The following SLC6A16 variants were observed in gnomAD, a reference collection of about 807,000 sequenced individuals.
The protein encoded by SLC6A16 is orphan sodium- and chloride-dependent neurotransmitter transporter NTT5.
SLC6A16 carries 54 observed loss-of-function variants against 65.4 expected under a neutral mutation model. The observed-to-expected ratio is 0.83, with a 90% CI of 0.66 to 1.04. SLC6A16 has a LOEUF of 1.04. SLC6A16 is among the 50% of genes least tolerant of loss of function. The probability of loss-of-function intolerance (pLI) is 0.00; values close to 1 mark genes in which losing one functional copy is unlikely to be tolerated. For missense variants in SLC6A16, 816 were observed against 914.0 expected, an observed-to-expected ratio of 0.89 and a Z score of 1.38; for synonymous variants, 330 against 346.5, an observed-to-expected ratio of 0.95 and a Z score of 0.53.
chr19:49,335,415 G>T, the SLC6A16 span: 1 of 749,872 alleles, frequency 1.3e-6, no homozygotes. The surrounding 1 kb of genome is among the most constrained non-coding windows in gnomAD (Gnocchi z 4.6). Flanking sequence ...CCTCTTTTGG[G>T]GTTCTTCCTT....
At chr19:49,325,361 C>G, upstream of SLC6A16, 1 of 490,398 alleles carries the variant, frequency 2.0e-6, no homozygotes, top group Non-Finnish European at 2.7e-6. Context: ...ACGCGCCACT[C>G]CCTTCCCCAC....
At chr19:49,323,321 A>G (rs1183216994) in intron 1 of SLC6A16, among the ~76,000 whole-genome samples, 2 of 152,188 alleles carry the variant, frequency 1.3e-5, no homozygotes, top group African/African-American at 4.8e-5. Context: ...ATTCTTGGAT[A>G]TGATACCAAA....
Position 49,294,460 on chromosome 19 carries a change from G to A in SLC6A16, c.1323C>T (p.Ile441=), listed in dbSNP as rs1334992289. 6.2e-7 allele frequency: 1 copy of A among 1,614,144 alleles called. No homozygotes were observed. The highest frequency in any genetic ancestry group is 1.1e-5 in the South Asian group (1 of 91,072). ...PVNLLYNPTS[I]YNAWLSGLPQ... ...GAAGGCCACTGAGCCAGGCATTGTA[G>A]ATGGAGGTTGGGTTGTAAAGCAGGT... The change falls in exon 8 of 12, where the codon ATC becomes ATT. Residue 441 remains isoleucine, a synonymous_variant. Coordinates refer to ENST00000335875, the MANE Select transcript of SLC6A16 (RefSeq NM_014037.3).
At chr19:49,305,252 C>T (rs1174138828) in intron 7 of SLC6A16, among the ~76,000 whole-genome samples, 1 of 152,156 alleles carries the variant, frequency 6.6e-6, no homozygotes, top group Non-Finnish European at 1.5e-5. Flanking sequence ...TGCTGGCCAG[C>T]CAACTGACTA....
At chr19:49,337,814 G>C in the SLC6A16 span, 2 of 1,569,462 alleles carry the variant, frequency 1.3e-6, no homozygotes, top group Non-Finnish European at 8.6e-7. Context: ...ATTCAGTAAG[G>C]ATTTGAGACT....
At chr19:49,337,646 C>G in the SLC6A16 span, 8 of 1,510,420 alleles carry the variant, frequency 5.3e-6, no homozygotes, top group Admixed American at 2.0e-5. Context: ...CGACCTGGAC[C>G]AAGGGAGACA....
the SLC6A16 span, chr19:49,340,279 T>C: frequency 1.9e-6 from 3 of 1,613,808 alleles, no homozygotes; most frequent in East Asian, 2.2e-5. Flanking sequence ...TCGATATTCC[T>C]GTGCAGAAAC....
Position 49,290,190 on chromosome 19 carries a change from A to C in SLC6A16, c.2144T>G (p.Val715Gly), listed in dbSNP as rs1970047020. Residue 715 changes from valine to glycine, a missense_variant, in exon 12 of 12, where the codon GTT becomes GGT. Physicochemically the swap from Val to Gly is moderately radical, Grantham distance 109. Coordinates refer to ENST00000335875, the MANE Select transcript of SLC6A16 (RefSeq NM_014037.3). ...AACTTGTAGAATTTCTTCCTTTTGA[A>C]CCTCTTTACTGGGTGTTAGCTGGTG... ...LSHQLTPSKE[V>G]QKEEILQVDE... is the part of the protein sequence containing the mutation. The C allele has an allele frequency of 6.2e-7, 1 of 1,613,128 alleles. No homozygotes were observed. The highest frequency in any genetic ancestry group is 8.5e-7 in the Non-Finnish European group (1 of 1,179,802).
upstream of SLC6A16, among the ~76,000 whole-genome samples, chr19:49,326,286 T>A (rs1312622530): frequency 6.6e-6 from 1 of 152,208 alleles, no homozygotes. Context: ...TCATATCTGC[T>A]TCTGCACTGA....
intron 7 of SLC6A16, among the ~76,000 whole-genome samples, chr19:49,295,791 G>T (rs1343947898): frequency 6.6e-6 from 1 of 152,086 alleles, no homozygotes; most frequent in Non-Finnish European, 1.5e-5. Flanking sequence ...TAAAACACCA[G>T]AGCCTGCCCA....
At chr19:49,319,649 G>C (rs1423562936) in intron 1 of SLC6A16, among the ~76,000 whole-genome samples, 4 of 151,838 alleles carry the variant, frequency 2.6e-5, no homozygotes, top group African/African-American at 9.7e-5. Context: ...ACGAACAATG[G>C]ACAGAAGCAG....
At position 49,290,249 on chromosome 19, in the gene SLC6A16, C is replaced by T; in HGVS notation, c.2085G>A (p.Gly695=). 1 of 1,614,062 alleles carries T rather than the reference C, an allele frequency of 6.2e-7. No homozygotes were observed. The highest frequency in any genetic ancestry group is 8.5e-7 in the Non-Finnish European group (1 of 1,180,020). ...RIPFRPKSGD[G]PMTASTSLPL... Reference sequence around the variant, plus strand: ...GTAGGGATGTGGAGGCTGTCATAGGCCCGTCTCCGCTCTTGGGCCTGAAGG... The same window carrying T: ...GTAGGGATGTGGAGGCTGTCATAGGTCCGTCTCCGCTCTTGGGCCTGAAGG... Residue 695 remains glycine (G), a synonymous_variant, in exon 12 of 12, where the codon GGG becomes GGA. Transcript: ENST00000335875.
At chr19:49,323,422 T>A (rs141593146) in intron 1 of SLC6A16, among the ~76,000 whole-genome samples, 1 of 152,104 alleles carries the variant, frequency 6.6e-6, no homozygotes, top group Non-Finnish European at 1.5e-5. Context: ...GGTGAAAAGA[T>A]AACCCACAGA....
intron 7 of SLC6A16, among the ~76,000 whole-genome samples, chr19:49,307,488 T>G (rs1352033240): frequency 6.6e-6 from 1 of 152,016 alleles, no homozygotes; most frequent in Non-Finnish European, 1.5e-5. Flanking sequence ...CACATGTATA[T>G]TCCCAGGCAT....
intron 7 of SLC6A16, among the ~76,000 whole-genome samples, chr19:49,296,868 A>C (rs1418306155): frequency 6.6e-6 from 1 of 152,156 alleles, no homozygotes; most frequent in Non-Finnish European, 1.5e-5. Flanking sequence ...GGGCGCCTGT[A>C]GTCCCAGCTA....
At chr19:49,316,336 C>G (rs1970612795) in intron 1 of SLC6A16, among the ~76,000 whole-genome samples, 1 of 151,596 alleles carries the variant, frequency 6.6e-6, no homozygotes, top group South Asian at 2.1e-4. Flanking sequence ...CAAGATAAAC[C>G]CCAAAAGACA....
chr19:49,333,196 G>A, the SLC6A16 span, among the ~76,000 whole-genome samples: 1 of 151,744 alleles, frequency 6.6e-6, no homozygotes, highest in African/African-American at 2.4e-5. Context: ...CAAAAACCTG[G>A]GTGTGGTGGC....
intron 1 of SLC6A16, among the ~76,000 whole-genome samples, chr19:49,320,421 A>AAC (rs1487197729): frequency 5.1e-5 from 7 of 136,594 alleles, no homozygotes; most frequent in African/African-American, 2.1e-4. Context: ...ACAAACAAAC[A>AAC]AACAAACAAA....
At chr19:49,330,788 A>G in the SLC6A16 span, among the ~76,000 whole-genome samples, 5 of 152,096 alleles carry the variant, frequency 3.3e-5, no homozygotes, top group Non-Finnish European at 7.4e-5. Context: ...CTAAAAATAC[A>G]AAAATTAGCT....
Sources: gnomAD v4.1 joint callset for allele counts (sites outside exome capture counted in the v4.1 genomes callset) on GRCh38, gnomAD v4.1.1 for gene constraint, Gnocchi (gnomAD v3.1) non-coding constraint, MANE v1.5 for transcripts, NCBI Gene and HGNC (gene_info 2026-07-23, HGNC 2026-07-21) for gene names.